Variants in MYOM1 observed in about 807,000 individuals in gnomAD.
MYOM1 encodes myomesin-1.
Under a neutral mutation model 205.3 loss-of-function variants are expected in MYOM1, and 164 were observed. That is an observed-to-expected ratio of 0.80 (90% CI 0.70 to 0.91). The LOEUF (loss-of-function observed/expected upper bound fraction) is 0.91, where lower values mean the gene tolerates loss of function less well. MYOM1 is among the 40% of genes least tolerant of loss of function. The probability of loss-of-function intolerance (pLI) is 0.00; values close to 1 mark genes in which losing one functional copy is unlikely to be tolerated. For synonymous variants in MYOM1, 772 were observed against 789.4 expected, an observed-to-expected ratio of 0.98 and a Z score of 0.37; for missense variants, 2,011 against 2,127.3, an observed-to-expected ratio of 0.95 and a Z score of 1.08.
chr18:3,125,647 G>T (rs2143859072), intron 19 of MYOM1, among the ~76,000 whole-genome samples: 1 of 152,190 alleles, frequency 6.6e-6, no homozygotes, highest in South Asian at 2.1e-4. Context: ...AATTAAAAGA[G>T]CATGGTGTTG....
chr18:3,164,176 TC>T, intron 10 of MYOM1, 101 bp downstream of exon 10: 1 of 1,291,742 alleles, frequency 7.7e-7, no homozygotes, highest in Non-Finnish European at 1.1e-6. Context: ...AAATGACTCT[TC>T]CATCATTATG....
rs1481060535 is a variant in MYOM1 at position 3,134,837 on chromosome 18, A to G, written c.2210-13T>C. On this transcript the variant is annotated splice_polypyrimidine_tract_variant and intron_variant, in intron 15 of 37. Transcript: ENST00000356443. ...GCCTTGGGGATATCTGAGAAAGAGG[A>G]AAATGGTGATCAAACTCAAGTGGTT... The G allele has an allele frequency of 6.2e-7, 1 of 1,613,718 alleles. No homozygotes were observed.
At chr18:3,178,968 A>G (rs1008678307) in intron 5 of MYOM1, among the ~76,000 whole-genome samples, 69 of 151,920 alleles carry the variant, frequency 4.5e-4, no homozygotes, top group African/African-American at 1.6e-3. Context: ...CCCAGGCTCG[A>G]GCAATCTTCC....
Position 3,066,942 on chromosome 18 carries a change from C to T in MYOM1, c.*320G>A, listed in dbSNP as rs2078901229. ...CATGGCTTCACAGCTGCAGCAAATC[C>T]CAATTCGCCCCACGACACATTCGTC... On this transcript the variant is annotated 3_prime_UTR_variant, in exon 38 of 38. Transcript: ENST00000356443. The T allele has an allele frequency of 3.4e-6, 1 of 296,238 alleles. No individual in the cohort carries two copies. Among genetic ancestry groups the T allele is most frequent in the Non-Finnish European group, 6.5e-6 (1 of 154,280 alleles). The allele number at this position is 296,238 out of a possible 1,614,324, so 18.4% of individuals were successfully genotyped here. A position where few individuals can be genotyped will look rare whatever the true frequency, so the allele number is the denominator to read the frequency against.
intron 22 of MYOM1, among the ~76,000 whole-genome samples, chr18:3,103,138 TAG>T (rs2079403653): frequency 6.6e-6 from 1 of 151,946 alleles, no homozygotes; most frequent in African/African-American, 2.4e-5. Context: ...TGGGAGAAAG[TAG>T]AGAGACTAAG....
chr18:3,131,439 G>A lies in MYOM1; in HGVS notation c.2442C>T (p.Val814=). 6.2e-7 allele frequency: 1 copy of A among 1,613,852 alleles called. No homozygotes were observed. The highest frequency in any genetic ancestry group is 8.5e-7 in the Non-Finnish European group (1 of 1,179,812). The change falls in exon 17 of 38, where the codon GTC becomes GTT. Residue 814 remains valine, a synonymous_variant. Coordinates refer to ENST00000356443, the MANE Select transcript of MYOM1 (RefSeq NM_003803.4). Reference sequence around the variant, plus strand: ...AATATTCACTAAGTCCAGCTGCATTGACTGCTCTGACCCGGAAAATATAAC... The same window carrying A: ...AATATTCACTAAGTCCAGCTGCATTAACTGCTCTGACCCGGAAAATATAAC... ...GQSYIFRVRA[V]NAAGLSEYSQ...
intron 9 of MYOM1, 127 bp from the exon 10 acceptor site, chr18:3,164,566 T>C (rs754997226): frequency 8.6e-6 from 8 of 933,850 alleles, no homozygotes; most frequent in Non-Finnish European, 1.2e-5. Context: ...AGGAAGTCTC[T>C]AGGACTTTGA....
chr18:3,115,292 C>T (rs1455348346), intron 21 of MYOM1, among the ~76,000 whole-genome samples: 1 of 152,096 alleles, frequency 6.6e-6, no homozygotes, highest in Non-Finnish European at 1.5e-5. Flanking sequence ...TTGGCATATG[C>T]TAAGTTGAGT....
intron 31 of MYOM1, among the ~76,000 whole-genome samples, chr18:3,084,325 TTC>T (rs2079124873): frequency 6.6e-6 from 1 of 152,166 alleles, no homozygotes; most frequent in African/African-American, 2.4e-5. Flanking sequence ...GGCTTTGGGA[TTC>T]TCTTTCTTCT....
chr18:3,091,149 C>T (rs555638258), intron 26 of MYOM1, among the ~76,000 whole-genome samples: 7 of 152,168 alleles, frequency 4.6e-5, no homozygotes, highest in Admixed American at 3.9e-4. Flanking sequence ...AACCCCGTCT[C>T]TACTAAAAAC....
At chr18:3,241,634 C>T in the MYOM1 span, among the ~76,000 whole-genome samples, 2 of 152,256 alleles carry the variant, frequency 1.3e-5, no homozygotes, top group South Asian at 4.1e-4. Flanking sequence ...CCAACACAGA[C>T]TCCCTACTGG....
chr18:3,218,037 G>A (rs951191586), intron 1 of MYOM1, among the ~76,000 whole-genome samples: 1 of 152,190 alleles, frequency 6.6e-6, no homozygotes, highest in Non-Finnish European at 1.5e-5. Flanking sequence ...AGGTAAGAGA[G>A]TCGATTCCCA....
rs375596784 is a variant in MYOM1, at chr18:3,083,738, G to A, written c.4484+51C>T. ...TGGGATTACAGGTGTGAGCTGCCGC[G>A]CCTGGCAGGGAAAGAATTTCTACAC... On this transcript the variant is annotated intron_variant, in intron 33 of 37. Coordinates refer to ENST00000356443, the MANE Select transcript of MYOM1 (RefSeq NM_003803.4). The A allele has an allele frequency of 3.9e-4, 563 of 1,431,142 alleles. 6 individuals are homozygous for A. The East Asian group carries it at 0.013, about 32-fold the overall frequency. The allele number at this position is 1,431,142 out of a possible 1,614,324, so 88.7% of individuals were successfully genotyped here.
At chr18:3,175,825 C>G (rs913295992) in intron 6 of MYOM1, among the ~76,000 whole-genome samples, 4 of 152,032 alleles carry the variant, frequency 2.6e-5, no homozygotes, top group African/African-American at 9.7e-5. Context: ...TTGACCGAAT[C>G]CAAATATAAA....
In MYOM1 at chr18:3,102,526, A is replaced by C. The variant is rs370276820; in HGVS notation, c.3523T>G (p.Tyr1175Asp). The change falls in exon 23 of 38, where the codon TAT becomes GAT. Residue 1175 changes from tyrosine to aspartate, a missense_variant. Coordinates refer to ENST00000356443, the MANE Select transcript of MYOM1 (RefSeq NM_003803.4). ...CGTGGAGAGTCCTCAGTGGATACAT[A>C]ATCTTTGGACCAGGAGAACTCGGAC... ...PKSEFSWSKD[Y>D]VSTEDSPRLE... 46 of 1,613,734 alleles carry C rather than the reference A, an allele frequency of 2.9e-5. No homozygotes were observed. Among genetic ancestry groups the C allele is most frequent in the Non-Finnish European group, 3.7e-5 (44 of 1,179,842 alleles).
intron 13 of MYOM1, among the ~76,000 whole-genome samples, chr18:3,144,154 C>T (rs1420237472): frequency 1.3e-5 from 2 of 151,830 alleles, no homozygotes; most frequent in East Asian, 1.9e-4. Flanking sequence ...TGCAGTGAGC[C>T]GAGACTGCAG....
chr18:3,072,417 A>G (rs1263868973), intron 36 of MYOM1, among the ~76,000 whole-genome samples: 1 of 123,530 alleles, frequency 8.1e-6, no homozygotes, highest in African/African-American at 3.3e-5. Flanking sequence ...GCAGTGGCGC[A>G]ATCTCAGCTC....
chr18:3,121,856 C>T (rs951235908), intron 19 of MYOM1, among the ~76,000 whole-genome samples: 1 of 152,122 alleles, frequency 6.6e-6, no homozygotes, highest in Non-Finnish European at 1.5e-5. Flanking sequence ...TGGTGTCTGA[C>T]GCCTGTAATC....
intron 25 of MYOM1, among the ~76,000 whole-genome samples, chr18:3,099,125 G>A (rs1567904787): frequency 6.6e-6 from 1 of 152,148 alleles, no homozygotes; most frequent in Non-Finnish European, 1.5e-5. Flanking sequence ...AGCCAAAGTT[G>A]GTTTTGAGAA....
Sources: allele counts gnomAD v4.1 joint callset (sites outside exome capture counted in the v4.1 genomes callset), GRCh38; gene constraint gnomAD v4.1.1; transcripts MANE v1.5; gene names NCBI Gene and HGNC (gene_info 2026-07-23, HGNC 2026-07-21).